The following SSBP3 variants were observed in gnomAD, a reference collection of about 807,000 sequenced individuals.
SSBP3 encodes single stranded DNA binding protein 3, also known as single-stranded DNA-binding protein 3.
A neutral mutation model predicts 69.6 loss-of-function variants in SSBP3; 5 were observed. The ratio of observed to expected loss-of-function variants is 0.07; its 90% CI spans 0.04 to 0.15. The LOEUF (loss-of-function observed/expected upper bound fraction) is 0.15. Ranked by LOEUF, SSBP3 falls within the 10% of genes least tolerant of loss-of-function variation. The pLI, the probability that SSBP3 is intolerant of heterozygous loss-of-function variation, is 1.00. For synonymous variants in SSBP3, 196 were observed against 193.4 expected, an observed-to-expected ratio of 1.01 and a Z score of -0.11; for missense variants, 312 against 534.0, an observed-to-expected ratio of 0.58 and a Z score of 4.10.
At chr1:54,318,558 T>TG (rs997981174) in intron 4 of SSBP3, among the ~76,000 whole-genome samples, 1 of 152,144 alleles carries the variant, frequency 6.6e-6, no homozygotes, top group Non-Finnish European at 1.5e-5. Flanking sequence ...CCCCAGAGTT[T>TG]GGGGGGCTGG....
chr1:54,247,512 G>A (rs1409601638), intron 9 of SSBP3, among the ~76,000 whole-genome samples: 1 of 152,194 alleles, frequency 6.6e-6, no homozygotes, highest in East Asian at 1.9e-4. Flanking sequence ...TCTTTTGGGG[G>A]CCTCTGCTCA....
At chr1:54,404,316 A>C (rs1260757671) in intron 3 of SSBP3, among the ~76,000 whole-genome samples, 6 of 152,198 alleles carry the variant, frequency 3.9e-5, no homozygotes, top group Non-Finnish European at 7.3e-5. Flanking sequence ...AGAGCCCCAG[A>C]GTGAAATGTA....
At chr1:54,362,801 G>A (rs1399606741) in intron 4 of SSBP3, among the ~76,000 whole-genome samples, 1 of 152,186 alleles carries the variant, frequency 6.6e-6, no homozygotes, top group African/African-American at 2.4e-5. Context: ...AGACTGCCCT[G>A]GGGATTAGTC....
chr1:54,389,251 A>C (rs1294080056), intron 4 of SSBP3, among the ~76,000 whole-genome samples: 1 of 152,220 alleles, frequency 6.6e-6, no homozygotes, highest in Non-Finnish European at 1.5e-5. Flanking sequence ...TGTAAATAAA[A>C]TATTTTCAAG....
At chr1:54,386,611 T>C (rs1648097959) in intron 4 of SSBP3, among the ~76,000 whole-genome samples, 1 of 151,238 alleles carries the variant, frequency 6.6e-6, no homozygotes. Context: ...TTGCCCCATC[T>C]TCAAACCCAT....
At chr1:54,388,280 G>T (rs936994771) in intron 4 of SSBP3, among the ~76,000 whole-genome samples, 2 of 152,170 alleles carry the variant, frequency 1.3e-5, no homozygotes, top group African/African-American at 2.4e-5. Flanking sequence ...TGGGGCTCTG[G>T]GTTCAAATCC....
At chr1:54,251,959 G>A (rs553421436) in intron 7 of SSBP3, 99 bp from the exon 8 acceptor site, 20 of 1,025,102 alleles carry the variant, frequency 2.0e-5, no homozygotes, top group African/African-American at 3.2e-5. Flanking sequence ...GTGTGATCAC[G>A]TGGAGCCACT....
At chr1:54,312,988 G>A (rs1646030578) in intron 4 of SSBP3, among the ~76,000 whole-genome samples, 1 of 151,668 alleles carries the variant, frequency 6.6e-6, no homozygotes, top group South Asian at 2.1e-4. Context: ...AGCAGGGGAG[G>A]TGGCCCTGAG....
In SSBP3 at chr1:54,405,031, G is replaced by T. The variant is rs1649614721; in HGVS notation, c.57-101C>A. The T allele has an allele frequency of 5.7e-6, 6 of 1,053,674 alleles. No individual in the cohort carries two copies. In the South Asian group the frequency reaches 6.7e-5, roughly 12 times the overall value. The allele number at this position is 1,053,674 out of a possible 1,614,324, so 65.3% of individuals were successfully genotyped here. A position where few individuals can be genotyped will look rare whatever the true frequency, so the allele number is the denominator to read the frequency against. ...GCAGGCTTTGAGCCCTGTCTGCGCC[G>T]TCCCATTGTGGCCCCGACCAGAGGT... is the stretch of plus-strand genomic sequence containing the variant. On this transcript the variant is annotated intron_variant, in intron 1 of 17. Coordinates refer to ENST00000610401, the Ensembl canonical transcript of SSBP3.
chr1:54,295,718 C>A (rs896830681), intron 4 of SSBP3, among the ~76,000 whole-genome samples: 5 of 152,164 alleles, frequency 3.3e-5, no homozygotes, highest in African/African-American at 4.8e-5. Context: ...CCCATTCCAA[C>A]CTCCCCCTTT....
At chr1:54,355,868 G>A (rs1018156545) in intron 4 of SSBP3, among the ~76,000 whole-genome samples, 9 of 152,160 alleles carry the variant, frequency 5.9e-5, no homozygotes, top group African/African-American at 2.2e-4. Flanking sequence ...CCCACGTGAG[G>A]GCTCCTGGAA....
intron 4 of SSBP3, among the ~76,000 whole-genome samples, chr1:54,334,093 C>A (rs1472029172): frequency 6.6e-6 from 1 of 151,696 alleles, no homozygotes; most frequent in Non-Finnish European, 1.5e-5. Context: ...GTGGCTTATG[C>A]CCATAATCCC....
rs533411438 is a variant in SSBP3, at chr1:54,232,669, TCTCAGCTCACTG to T, written c.928-3855_928-3844del. Among the ~76,000 whole-genome samples the T allele has an allele frequency of 4.0e-3, 611 of 150,964 alleles. 5 individuals carry two copies. Among genetic ancestry groups the T allele is most frequent in the African/African-American group, 0.014 (587 of 41,260 alleles). ...CCGAAGCTGGACTGTACTGCTGCCA[TCTCAGCTCACTG>T]CAACCTCCCTGCCTGATTCTCCTGC... On this transcript the variant is annotated intron_variant, in intron 14 of 17. Transcript: ENST00000610401.
At chr1:54,278,602 T>A (rs1258486164) in intron 5 of SSBP3, among the ~76,000 whole-genome samples, 4 of 152,208 alleles carry the variant, frequency 2.6e-5, no homozygotes, top group Admixed American at 1.3e-4. Flanking sequence ...GGTGGGCAGC[T>A]GCTCTCTCCC....
intron 4 of SSBP3, among the ~76,000 whole-genome samples, chr1:54,358,014 C>T (rs1445068381): frequency 1.3e-5 from 2 of 152,206 alleles, no homozygotes; most frequent in Non-Finnish European, 2.9e-5. Context: ...TTAATCCACT[C>T]GTGGGCAGGG....
intron 3 of SSBP3, among the ~76,000 whole-genome samples, chr1:54,404,081 A>G (rs1172619307): frequency 6.6e-6 from 1 of 152,190 alleles, no homozygotes; most frequent in East Asian, 1.9e-4. Context: ...CAGTATCTTT[A>G]AAGGAAGTGG....
At chr1:54,381,564 A>C (rs971935704) in intron 4 of SSBP3, among the ~76,000 whole-genome samples, 2 of 152,198 alleles carry the variant, frequency 1.3e-5, no homozygotes, top group Non-Finnish European at 2.9e-5. Flanking sequence ...GCTCTCACCA[A>C]GGTGATCACC....
chr1:54,283,426 TCTA>T (rs1462694417), intron 4 of SSBP3, among the ~76,000 whole-genome samples: 1 of 152,188 alleles, frequency 6.6e-6, no homozygotes. Flanking sequence ...CACTGTCACC[TCTA>T]CTACTAAGTG....
intron 5 of SSBP3, among the ~76,000 whole-genome samples, chr1:54,278,289 T>C (rs1157926410): frequency 1.3e-5 from 2 of 152,040 alleles, no homozygotes; most frequent in Non-Finnish European, 2.9e-5. Flanking sequence ...ACTAGGTCCT[T>C]AGTATATGCC....
Sources: allele counts gnomAD v4.1 joint callset (sites outside exome capture counted in the v4.1 genomes callset), GRCh38; gene constraint gnomAD v4.1.1; transcripts MANE v1.5; gene names NCBI Gene and HGNC (gene_info 2026-07-23, HGNC 2026-07-21).